Variants in GPATCH2 observed in about 807,000 individuals in gnomAD.
The protein encoded by GPATCH2 is G-patch domain containing 2.
A neutral mutation model predicts 58.0 loss-of-function variants in GPATCH2; 51 were observed. The ratio of observed to expected loss-of-function variants is 0.88; its 90% CI spans 0.70 to 1.11. GPATCH2 has a LOEUF of 1.11. Ranked by LOEUF, GPATCH2 falls within the 50% of genes most tolerant of loss-of-function variation. The pLI is 0.00. For missense variants in GPATCH2, 625 were observed against 652.2 expected, an observed-to-expected ratio of 0.96 and a Z score of 0.45; for synonymous variants, 222 against 218.5, an observed-to-expected ratio of 1.02 and a Z score of -0.14.
At chr1:217,458,592 AT>A (rs886994354) in intron 8 of GPATCH2, among the ~76,000 whole-genome samples, 39 of 152,012 alleles carry the variant, frequency 2.6e-4, no homozygotes, top group African/African-American at 8.9e-4. Context: ...GGTCCTTTAG[AT>A]TTTTTTTCTT....
In GPATCH2 at chr1:217,427,065, A is replaced by G. The variant is rs1370946240; in HGVS notation, c.*4080T>C. The stretch of plus-strand genomic sequence containing the variant: ...ACAGCAAACAAAACTCAACACTTCA[A>G]TGCATATTACAAAACACTTAAAATG... On this transcript the variant is annotated 3_prime_UTR_variant, in exon 10 of 10. Coordinates refer to ENST00000366935, the MANE Select transcript of GPATCH2 (RefSeq NM_018040.5). The G allele has an allele frequency of 6.6e-6, 1 of 152,156 alleles. No individual in the cohort carries two copies. Among genetic ancestry groups the G allele is most frequent in the Non-Finnish European group, 1.5e-5 (1 of 68,006 alleles). 9.4% of individuals were successfully genotyped at this position (152,156 alleles called of 1,614,324 possible).
At chr1:217,585,384 A>G (rs942889692) in intron 5 of GPATCH2, among the ~76,000 whole-genome samples, 1 of 152,154 alleles carries the variant, frequency 6.6e-6, no homozygotes, top group African/African-American at 2.4e-5. Flanking sequence ...GCGCTTTGGG[A>G]GGCCGAGGCA....
At chr1:217,523,166 C>T (rs570496489) in intron 5 of GPATCH2, among the ~76,000 whole-genome samples, 7 of 151,554 alleles carry the variant, frequency 4.6e-5, no homozygotes, top group Non-Finnish European at 8.8e-5. Flanking sequence ...AAAAAAATTT[C>T]AGTTTTTTAT....
At chr1:217,554,454 A>G (rs1193342106) in intron 5 of GPATCH2, among the ~76,000 whole-genome samples, 3 of 152,216 alleles carry the variant, frequency 2.0e-5, no homozygotes, top group African/African-American at 7.2e-5. Flanking sequence ...ATTAACTTGT[A>G]TCTATAGTAC....
chr1:217,630,639 G>C (rs1669706847), intron 1 of GPATCH2, among the ~76,000 whole-genome samples: 1 of 152,164 alleles, frequency 6.6e-6, no homozygotes, highest in South Asian at 2.1e-4. Context: ...CAATCAATGA[G>C]GAGATGAATT....
At chr1:217,561,338 C>A (rs1665914775) in intron 5 of GPATCH2, among the ~76,000 whole-genome samples, 1 of 152,112 alleles carries the variant, frequency 6.6e-6, no homozygotes, top group Non-Finnish European at 1.5e-5. Flanking sequence ...GTCACTAAAA[C>A]TGAAGAAAAG....
At chr1:217,546,478 T>C (rs886634046) in intron 5 of GPATCH2, among the ~76,000 whole-genome samples, 1 of 152,180 alleles carries the variant, frequency 6.6e-6, no homozygotes, top group Non-Finnish European at 1.5e-5. Context: ...CAATCTGATC[T>C]ATGACAAACC....
intron 5 of GPATCH2, among the ~76,000 whole-genome samples, chr1:217,568,614 A>G (rs924257186): frequency 6.6e-6 from 1 of 152,242 alleles, no homozygotes; most frequent in Admixed American, 6.5e-5. Flanking sequence ...GGCTGAGGGA[A>G]GAGCTATCTT....
chr1:217,509,414 G>A (rs983574452), intron 6 of GPATCH2, among the ~76,000 whole-genome samples: 1 of 152,042 alleles, frequency 6.6e-6, no homozygotes, highest in African/African-American at 2.4e-5. Context: ...TACCTCACCC[G>A]CTCCCAGTAA....
chr1:217,563,862 T>C (rs1019399354), intron 5 of GPATCH2, among the ~76,000 whole-genome samples: 8 of 152,026 alleles, frequency 5.3e-5, no homozygotes, highest in South Asian at 4.1e-4. Flanking sequence ...CTGACCAACA[T>C]GGAGGAACCC....
intron 8 of GPATCH2, among the ~76,000 whole-genome samples, chr1:217,454,871 C>T (rs535959655): frequency 9.7e-4 from 148 of 152,090 alleles, no homozygotes; most frequent in African/African-American, 3.3e-3. Context: ...TGACCTCAAG[C>T]GATCCGCCCA....
chr1:217,535,541 C>T (rs1344915403), intron 5 of GPATCH2, among the ~76,000 whole-genome samples: 4 of 152,078 alleles, frequency 2.6e-5, no homozygotes, highest in South Asian at 2.1e-4. Context: ...TTAGTAGAGA[C>T]GGGGTTTCAC....
chr1:217,578,977 T>C (rs1484376088), intron 5 of GPATCH2, among the ~76,000 whole-genome samples: 1 of 152,216 alleles, frequency 6.6e-6, no homozygotes, highest in African/African-American at 2.4e-5. Context: ...CAAATAAAGT[T>C]TTCACTTATA....
rs1368176071 is a variant in GPATCH2 at position 217,428,452 on chromosome 1, T to G, written c.*2693A>C. 1 of 152,174 alleles carries G rather than the reference T, an allele frequency of 6.6e-6. No homozygotes were observed. Among genetic ancestry groups the G allele is most frequent in the African/African-American group, 2.4e-5 (1 of 41,438 alleles). The allele number at this position is 152,174 out of a possible 1,614,324, so 9.4% of individuals were successfully genotyped here. A position where few individuals can be genotyped will look rare whatever the true frequency, so the allele number is the denominator to read the frequency against. ...TGGGCTTCAGATGGTGAAAGACATT[T>G]GATTTGCACTAAAAAATTCGTATTT... On this transcript the variant is annotated 3_prime_UTR_variant, in exon 10 of 10. Transcript: ENST00000366935.
rs746667437 is a variant in GPATCH2, at chr1:217,428,709, G to C, written c.*2436C>G. Reference sequence around the variant, plus strand: ...TTAAGTCCTCTGTGAATCACATAGAGGGCTCTAGGTGTCAAGATGAAGAAG... The same window carrying C: ...TTAAGTCCTCTGTGAATCACATAGACGGCTCTAGGTGTCAAGATGAAGAAG... On this transcript the variant is annotated 3_prime_UTR_variant, in exon 10 of 10. Coordinates refer to ENST00000366935, the MANE Select transcript of GPATCH2 (RefSeq NM_018040.5). 1.3e-5 allele frequency: 2 copies of C among 152,100 alleles called. No individual in the cohort carries two copies. The highest frequency in any genetic ancestry group is 2.9e-5 in the Non-Finnish European group (2 of 68,018). The allele number at this position is 152,100 out of a possible 1,614,324, so 9.4% of individuals were successfully genotyped here. A position where few individuals can be genotyped will look rare whatever the true frequency, so the allele number is the denominator to read the frequency against.
intron 5 of GPATCH2, among the ~76,000 whole-genome samples, chr1:217,589,079 C>T (rs753327290): frequency 2.6e-5 from 4 of 151,944 alleles, no homozygotes; most frequent in African/African-American, 7.3e-5. Flanking sequence ...CAGGTGGGGC[C>T]GATCATTTCA....
chr1:217,504,105 C>G (rs563980471), intron 6 of GPATCH2, among the ~76,000 whole-genome samples: 1 of 152,214 alleles, frequency 6.6e-6, no homozygotes, highest in South Asian at 2.1e-4. Context: ...GAAAGAAAGA[C>G]TAATTCAAGC....
chr1:217,534,442 ATCT>A (rs1664365151), intron 5 of GPATCH2, among the ~76,000 whole-genome samples: 1 of 152,160 alleles, frequency 6.6e-6, no homozygotes, highest in South Asian at 2.1e-4. Context: ...AAAGTTGCCC[ATCT>A]TCTTATTAGT....
At chr1:217,531,618 G>T (rs183257672) in intron 5 of GPATCH2, among the ~76,000 whole-genome samples, 1 of 152,180 alleles carries the variant, frequency 6.6e-6, no homozygotes, top group Admixed American at 6.5e-5. Flanking sequence ...TTTGCATAAA[G>T]AGTGGTTCAT....
Sources: gnomAD v4.1 joint callset for allele counts (sites outside exome capture counted in the v4.1 genomes callset) on GRCh38, gnomAD v4.1.1 for gene constraint, MANE v1.5 for transcripts, NCBI Gene and HGNC (gene_info 2026-07-23, HGNC 2026-07-21) for gene names.